MAGI1: variants seen among roughly 807,000 people sequenced by gnomAD.
The protein encoded by MAGI1 is membrane associated guanylate kinase, WW and PDZ domain containing 1.
Under a neutral mutation model 139.9 loss-of-function variants are expected in MAGI1, and 58 were observed. The ratio of observed to expected loss-of-function variants is 0.41; its 90% CI spans 0.34 to 0.52. The LOEUF is 0.52. MAGI1 is among the 20% of genes least tolerant of loss of function. MAGI1 has a pLI of 0.12. For synonymous variants in MAGI1, 812 were observed against 737.9 expected (o/e 1.10, Z -1.63); for missense variants, 1,874 against 1,901.6 (o/e 0.99, Z 0.27).
rs1017434026 is a variant in MAGI1, at chr3:65,969,035, A to G, written c.313+68961T>C. On this transcript the variant is annotated intron_variant, in intron 1 of 22. Transcript: ENST00000402939. ...ATTTGCTGTATTAGGAACATTTAGCAAAAGGCTAACACTCAGCTCAGAGTA... is the reference window on the plus strand; with the variant it reads ...ATTTGCTGTATTAGGAACATTTAGCGAAAGGCTAACACTCAGCTCAGAGTA... Among the ~76,000 whole-genome samples the G allele has an allele frequency of 3.3e-5, 5 of 152,252 alleles. No homozygotes were observed. The East Asian group carries it at 5.8e-4, about 18-fold the overall frequency.
intron 1 of MAGI1, among the ~76,000 whole-genome samples, chr3:65,817,222 G>C (rs12635002): frequency 6.6e-6 from 1 of 151,920 alleles, no homozygotes; most frequent in African/African-American, 2.4e-5. Flanking sequence ...TTTTGATATA[G>C]AACTATATGC....
rs114409366 is a variant in MAGI1 at position 65,973,589 on chromosome 3, C to T, written c.313+64407G>A. On this transcript the variant is annotated intron_variant, in intron 1 of 22. Transcript: ENST00000402939. ...CACAGCCATATAAACATATGCACAA[C>T]AGAGCAGCTAAGAGCTTAGTTCTGC... is the stretch of plus-strand genomic sequence containing the variant. 9.7e-3 allele frequency among the ~76,000 whole-genome samples: 1,481 copies of T among 152,314 alleles called. 22 individuals are homozygous for T. Among genetic ancestry groups the T allele is most frequent in the African/African-American group, 0.033 (1,374 of 41,568 alleles).
chr3:65,453,216 T>G (rs1017563059), intron 6 of MAGI1, 42 bp downstream of exon 6: 3 of 1,555,612 alleles, frequency 1.9e-6, no homozygotes, highest in Non-Finnish European at 2.7e-6. Flanking sequence ...ATGTGAACAG[T>G]GCCCCCAATT....
chr3:65,654,454 G>C (rs986103119), intron 1 of MAGI1, among the ~76,000 whole-genome samples: 3 of 152,176 alleles, frequency 2.0e-5, no homozygotes, highest in Non-Finnish European at 4.4e-5. Context: ...TAAACAAAGA[G>C]AGAAAAACAG....
At chr3:65,905,038 C>G (rs1252734171) in intron 1 of MAGI1, among the ~76,000 whole-genome samples, 3 of 152,186 alleles carry the variant, frequency 2.0e-5, no homozygotes, top group African/African-American at 7.2e-5. Context: ...CCCCACATTA[C>G]AATACACAGG....
At chr3:66,021,814 T>C (rs1487514152) in intron 1 of MAGI1, among the ~76,000 whole-genome samples, 1 of 152,136 alleles carries the variant, frequency 6.6e-6, no homozygotes, top group Admixed American at 6.6e-5. Context: ...TCAGAATCAC[T>C]AATAAAGCCA....
intron 2 of MAGI1, among the ~76,000 whole-genome samples, chr3:65,544,073 T>C (rs1489883852): frequency 2.0e-5 from 3 of 152,154 alleles, no homozygotes; most frequent in East Asian, 1.9e-4. Flanking sequence ...GAAGCAGATA[T>C]ATAAAGTAGA....
chr3:66,004,408 G>C lies in MAGI1; in HGVS notation c.313+33588C>G, dbSNP rs561156668. 1.5e-3 allele frequency among the ~76,000 whole-genome samples: 230 copies of C among 152,266 alleles called. 1 individual carries two copies. Among genetic ancestry groups the C allele is most frequent in the African/African-American group, 5.0e-3 (209 of 41,548 alleles). On this transcript the variant is annotated intron_variant, in intron 1 of 22. Coordinates refer to ENST00000402939, the MANE Select transcript of MAGI1 (RefSeq NM_001033057.2). Reference sequence around the variant, plus strand: ...CACCTACACGTGGCCTCTCTGCGTGGTCTCTCTGTGTGGGCTTAGTCTGGG... The same window carrying C: ...CACCTACACGTGGCCTCTCTGCGTGCTCTCTCTGTGTGGGCTTAGTCTGGG...
At chr3:65,949,768 T>A (rs1190086241) in intron 1 of MAGI1, among the ~76,000 whole-genome samples, 10 of 152,182 alleles carry the variant, frequency 6.6e-5, no homozygotes, top group Non-Finnish European at 1.3e-4. Context: ...TACTTTTATA[T>A]CTTGGCTCCA....
At chr3:65,644,254 C>G (rs2085135311) in intron 1 of MAGI1, among the ~76,000 whole-genome samples, 1 of 151,944 alleles carries the variant, frequency 6.6e-6, no homozygotes, top group East Asian at 1.9e-4. Flanking sequence ...GAAAATCACT[C>G]ATCATATGAA....
intron 2 of MAGI1, among the ~76,000 whole-genome samples, chr3:65,606,260 T>A (rs2082732551): frequency 6.6e-6 from 1 of 152,180 alleles, no homozygotes; most frequent in South Asian, 2.1e-4. Flanking sequence ...AAAACCTATG[T>A]TTACTCAGCA....
At chr3:65,590,529 A>C (rs577119354) in intron 2 of MAGI1, among the ~76,000 whole-genome samples, 2 of 152,330 alleles carry the variant, frequency 1.3e-5, no homozygotes, top group East Asian at 3.9e-4. Context: ...ATGTCAGAAT[A>C]AACTGTTCTT....
chr3:65,509,395 G>A (rs751598574), intron 2 of MAGI1, among the ~76,000 whole-genome samples: 14 of 152,250 alleles, frequency 9.2e-5, no homozygotes, highest in South Asian at 4.2e-4. Context: ...CTGAGGTACC[G>A]GGTTTATCTC....
At chr3:65,468,940 A>G (rs1403354292) in intron 5 of MAGI1, among the ~76,000 whole-genome samples, 2 of 142,018 alleles carry the variant, frequency 1.4e-5, no homozygotes, top group Admixed American at 1.5e-4. Flanking sequence ...CATCTCAGGA[A>G]GGGAAACAAT....
rs932163173 is a variant in MAGI1, at chr3:65,359,980, G to A, written c.3634+1219C>T. ...GAAGTTCAGTACAGTGCACAGCCAC[G>A]GCATCTTAATGTTGTCAAAATACTT... On this transcript the variant is annotated intron_variant, in intron 22 of 22. Coordinates refer to ENST00000402939, the MANE Select transcript of MAGI1 (RefSeq NM_001033057.2). 18 of 985,362 alleles carry A rather than the reference G, an allele frequency of 1.8e-5. No individual in the cohort carries two copies. In the South Asian group the frequency reaches 2.8e-4, roughly 15 times the overall value. 61.0% of individuals were successfully genotyped at this position (985,362 alleles called of 1,614,324 possible).
chr3:65,801,982 C>T (rs1232411062), intron 1 of MAGI1, among the ~76,000 whole-genome samples: 13 of 152,018 alleles, frequency 8.6e-5, no homozygotes, highest in Admixed American at 7.9e-4. Flanking sequence ...TTGAACTGCA[C>T]ATGTTGGGGA....
chr3:65,538,537 G>C (rs148539361), intron 2 of MAGI1, among the ~76,000 whole-genome samples: 3,504 of 152,160 alleles, frequency 0.023, 160 homozygotes, highest in Admixed American at 0.11. Context: ...AGTTAGGCTG[G>C]CATTGAACTG....
intron 1 of MAGI1, among the ~76,000 whole-genome samples, chr3:65,936,265 T>A (rs2063044348): frequency 6.6e-6 from 1 of 152,158 alleles, no homozygotes; most frequent in Admixed American, 6.5e-5. Context: ...GGAAGGGAAC[T>A]GACTGCAAAA....
intron 3 of MAGI1, among the ~76,000 whole-genome samples, chr3:65,482,375 C>G (rs1951344693): frequency 6.6e-6 from 1 of 152,150 alleles, no homozygotes; most frequent in Non-Finnish European, 1.5e-5. Flanking sequence ...AAAATGACAC[C>G]CATACTACAT....
Sources: allele counts gnomAD v4.1 joint callset (sites outside exome capture counted in the v4.1 genomes callset), GRCh38; gene constraint gnomAD v4.1.1; transcripts MANE v1.5; gene names NCBI Gene and HGNC (gene_info 2026-07-23, HGNC 2026-07-21).